Variants in SLC7A8 observed in about 807,000 individuals in gnomAD.
SLC7A8 encodes solute carrier family 7 member 8, also known as large neutral amino acids transporter small subunit 2.
SLC7A8 carries 30 observed loss-of-function variants against 51.2 expected under a neutral mutation model. That is an observed-to-expected ratio of 0.59 (90% CI 0.44 to 0.80). The LOEUF (loss-of-function observed/expected upper bound fraction) is 0.80. SLC7A8 is among the 30% of genes least tolerant of loss of function. SLC7A8 has a pLI of 0.00. For missense variants in SLC7A8, 612 were observed against 674.4 expected (o/e 0.91, Z 1.03); for synonymous variants, 257 against 275.8 (o/e 0.93, Z 0.67).
chr14:23,159,209 T>C, intron 3 of SLC7A8, among the ~76,000 whole-genome samples: 1 of 152,260 alleles, frequency 6.6e-6, no homozygotes, highest in East Asian at 1.9e-4. Context: ...AATTAGCTGA[T>C]GGATTTTTTT....
chr14:23,158,593 C>T (rs907362257), intron 3 of SLC7A8, among the ~76,000 whole-genome samples: 4 of 152,234 alleles, frequency 2.6e-5, no homozygotes, highest in African/African-American at 9.6e-5. Context: ...ATCCACCCGC[C>T]TCAGCCTCCC....
chr14:23,132,689 G>A (rs1165654013), intron 7 of SLC7A8, among the ~76,000 whole-genome samples: 2 of 149,212 alleles, frequency 1.3e-5, no homozygotes, highest in African/African-American at 5.0e-5. Flanking sequence ...AGGCTGGAGT[G>A]CAATAGCACG....
At chr14:23,127,977 C>T (rs1347633840) in intron 10 of SLC7A8, 42 bp downstream of exon 10, 2 of 1,580,280 alleles carry the variant, frequency 1.3e-6, no homozygotes, top group African/African-American at 1.3e-5. Context: ...TGCATTCCAG[C>T]CCAGGAGGCC....
intron 3 of SLC7A8, chr14:23,155,550 C>A (rs2048886642): frequency 1.6e-6 from 2 of 1,228,468 alleles, no homozygotes; most frequent in Admixed American, 3.9e-5. Flanking sequence ...CTAAACATGG[C>A]TCCTCAGCTG....
At chr14:23,154,547 C>A (rs936357222) in intron 3 of SLC7A8, 6 of 923,086 alleles carry the variant, frequency 6.5e-6, no homozygotes, top group African/African-American at 1.8e-5. Context: ...AAAGCCGCTT[C>A]GGCTTGGCCT....
chr14:23,168,100 T>C (rs2048958941), intron 1 of SLC7A8, among the ~76,000 whole-genome samples: 1 of 152,004 alleles, frequency 6.6e-6, no homozygotes, highest in Non-Finnish European at 1.5e-5. Context: ...GAGAAATAAT[T>C]CCTCATCATC....
At chr14:23,160,544 C>T (rs185304650) in intron 3 of SLC7A8, among the ~76,000 whole-genome samples, 1,669 of 144,454 alleles carry the variant, frequency 0.012, 40 homozygotes, top group South Asian at 0.065. Flanking sequence ...GCACTCCAGC[C>T]TGGGTGACGG....
At chr14:23,143,678 T>C (rs547977806) in intron 3 of SLC7A8, among the ~76,000 whole-genome samples, 4 of 152,368 alleles carry the variant, frequency 2.6e-5, no homozygotes, top group African/African-American at 7.2e-5. Flanking sequence ...AACTCACCTT[T>C]TTAAAGTGTA....
At chr14:23,153,002 A>G (rs1291148927) in intron 3 of SLC7A8, among the ~76,000 whole-genome samples, 1 of 151,966 alleles carries the variant, frequency 6.6e-6, no homozygotes, top group East Asian at 1.9e-4. Context: ...CTTGTAGTCA[A>G]CTCTTGGCCC....
intron 7 of SLC7A8, among the ~76,000 whole-genome samples, 166 bp downstream of exon 7, chr14:23,137,755 A>T (rs1390232188): frequency 6.6e-6 from 1 of 152,154 alleles, no homozygotes; most frequent in Non-Finnish European, 1.5e-5. Context: ...ACTCCTCAGC[A>T]TCCACACTGA....
In SLC7A8 at chr14:23,128,007, CCAA is replaced by C; in HGVS notation, c.1441+9_1441+11del. The C allele has an allele frequency of 6.2e-7, 1 of 1,611,120 alleles. No homozygotes were observed. Among genetic ancestry groups the C allele is most frequent in the Non-Finnish European group, 8.5e-7 (1 of 1,177,920 alleles). On this transcript the variant is annotated intron_variant, in intron 10 of 10. Coordinates refer to ENST00000316902, the MANE Select transcript of SLC7A8 (RefSeq NM_012244.4). The surrounding 1 kb of genome is among the most constrained non-coding windows in gnomAD (Gnocchi z 4.3). The stretch of plus-strand genomic sequence containing the variant: ...GAGGCCCTGAAGCCAGCCAGAGCCT[CCAA>C]CAACTCACCAATGAAGTCACTGAAA...
chr14:23,129,554 G>A, intron 9 of SLC7A8, 96 bp downstream of exon 9: 1 of 1,397,160 alleles, frequency 7.2e-7, no homozygotes, highest in Non-Finnish European at 9.8e-7. Context: ...ATGATGACGT[G>A]TGGTCAGCAG....
Position 23,128,735 on chromosome 14 carries a change from T to C in SLC7A8, c.1264-539A>G, listed in dbSNP as rs2048604227. ...GCCACATGTGGGGAGTTCCTGAGAG[T>C]ATCCTCTTCAGGGCTCCAGGGGCAG... On this transcript the variant is annotated intron_variant, in intron 9 of 10. Coordinates refer to ENST00000316902, the MANE Select transcript of SLC7A8 (RefSeq NM_012244.4). The surrounding 1 kb of genome is among the most constrained non-coding windows in gnomAD (Gnocchi z 4.3). Among the ~76,000 whole-genome samples, 1 of 152,164 alleles carries C rather than the reference T, an allele frequency of 6.6e-6. No homozygotes were observed. The highest frequency in any genetic ancestry group is 6.5e-5 in the Admixed American group (1 of 15,282).
At chr14:23,172,307 T>C (rs2048978811) in intron 1 of SLC7A8, among the ~76,000 whole-genome samples, 1 of 152,158 alleles carries the variant, frequency 6.6e-6, no homozygotes, top group Non-Finnish European at 1.5e-5. Flanking sequence ...ATTCTCTGAG[T>C]CATTTGTCTG....
rs1873936256 is a variant in SLC7A8, at chr14:23,125,342, CACAAA to C, written c.*1830_*1834del. On this transcript the variant is annotated 3_prime_UTR_variant, in exon 11 of 11. Transcript: ENST00000316902. ...TTACATCAAAAGAAAAAAACCTCTCCACAAAACAAATCTCTAAAACCTACACCAAA... is the reference window on the plus strand; with the variant it reads ...TTACATCAAAAGAAAAAAACCTCTCCACAAATCTCTAAAACCTACACCAAA... The C allele has an allele frequency of 1.3e-5, 2 of 152,072 alleles. No individual in the cohort carries two copies. Among genetic ancestry groups the C allele is most frequent in the Admixed American group, 6.6e-5 (1 of 15,266 alleles). The allele number at this position is 152,072 out of a possible 1,614,324, so 9.4% of individuals were successfully genotyped here. A position where few individuals can be genotyped will look rare whatever the true frequency, so the allele number is the denominator to read the frequency against.
chr14:23,151,705 C>T (rs550368087), intron 3 of SLC7A8, among the ~76,000 whole-genome samples: 2 of 145,870 alleles, frequency 1.4e-5, no homozygotes, highest in South Asian at 4.3e-4. Flanking sequence ...CTGCAGTAAG[C>T]TGTGATTGTG....
chr14:23,155,110 A>G, intron 3 of SLC7A8: 1 of 1,485,494 alleles, frequency 6.7e-7, no homozygotes, highest in Non-Finnish European at 9.1e-7. Flanking sequence ...GATCTTGCCT[A>G]TCGCACGATA....
intron 1 of SLC7A8, among the ~76,000 whole-genome samples, chr14:23,179,532 G>A (rs958225226): frequency 6.6e-6 from 1 of 151,846 alleles, no homozygotes; most frequent in Non-Finnish European, 1.5e-5. Flanking sequence ...TCTGGGGGCC[G>A]GGCACGGTGG....
chr14:23,178,521 G>A (rs1216952541), intron 1 of SLC7A8, among the ~76,000 whole-genome samples: 2 of 152,000 alleles, frequency 1.3e-5, no homozygotes, highest in Non-Finnish European at 2.9e-5. Context: ...TCCTAGAGTC[G>A]GTTAAATTCA....
Sources: allele counts gnomAD v4.1 joint callset (sites outside exome capture counted in the v4.1 genomes callset), GRCh38; gene constraint gnomAD v4.1.1; non-coding constraint Gnocchi (gnomAD v3.1); transcripts MANE v1.5; gene names NCBI Gene and HGNC (gene_info 2026-07-23, HGNC 2026-07-21).